Variants in ADAMTSL2 observed in about 807,000 individuals in gnomAD.
The protein encoded by ADAMTSL2 is ADAMTS-like protein 2.
A neutral mutation model predicts 117.0 loss-of-function variants in ADAMTSL2; 55 were observed. The observed-to-expected ratio is 0.47, with a 90% CI of 0.38 to 0.59. The LOEUF is 0.59. Among genes scored for constraint, ADAMTSL2 ranks in the 20% least tolerant of loss-of-function variants. ADAMTSL2 has a pLI of 0.00. For missense variants in ADAMTSL2, 1,182 were observed against 1,354.5 expected, an observed-to-expected ratio of 0.87 and a Z score of 2.00; for synonymous variants, 572 against 566.4, an observed-to-expected ratio of 1.01 and a Z score of -0.14.
chr9:133,541,909 T>C (rs1830234041), intron 7 of ADAMTSL2, among the ~76,000 whole-genome samples: 1 of 152,162 alleles, frequency 6.6e-6, no homozygotes, highest in East Asian at 1.9e-4. Context: ...ACACTTTTGG[T>C]TCTGAAGAAA....
chr9:133,552,190 G>A (rs1300951766), intron 9 of ADAMTSL2, among the ~76,000 whole-genome samples: 1 of 152,190 alleles, frequency 6.6e-6, no homozygotes, highest in Non-Finnish European at 1.5e-5. Context: ...TGTGGAATAT[G>A]CTGGCTCCAG....
In ADAMTSL2 at chr9:133,539,602, A is replaced by G. The variant is rs9802522; in HGVS notation, c.310-169A>G. The stretch of plus-strand genomic sequence containing the variant: ...CGTCCTTGCTCCCTCCTGAGAGCGC[A>G]TGGGAGCGCGCAGGAGCCCTAGAGG... On this transcript the variant is annotated intron_variant, in intron 4 of 18. Transcript: ENST00000651351. Among the ~76,000 whole-genome samples, 116,422 of 146,828 alleles carry G rather than the reference A, an allele frequency of 0.79. 44,754 individuals carry two copies. Among genetic ancestry groups the G allele is most frequent in the East Asian group, 0.89 (4,494 of 5,058 alleles).
At chr9:133,565,425 C>G (rs1830943924) in intron 12 of ADAMTSL2, among the ~76,000 whole-genome samples, 1 of 152,184 alleles carries the variant, frequency 6.6e-6, no homozygotes, top group Non-Finnish European at 1.5e-5. Flanking sequence ...AATAACCAGG[C>G]ACTTGGCGAT....
intron 8 of ADAMTSL2, 73 bp downstream of exon 8, chr9:133,544,623 G>GTCCAGGGT: frequency 7.6e-7 from 1 of 1,315,702 alleles, no homozygotes; most frequent in Non-Finnish European, 1.1e-6. Flanking sequence ...CAGAGAAGGG[G>GTCCAGGGT]CACTTGACCC....
chr9:133,574,970 T>A lies in ADAMTSL2; in HGVS notation c.*106T>A. 1.2e-6 allele frequency: 1 copy of A among 857,596 alleles called. No individual in the cohort carries two copies. Among genetic ancestry groups the A allele is most frequent in the Non-Finnish European group, 1.9e-6 (1 of 514,158 alleles). 53.1% of individuals were successfully genotyped at this position (857,596 alleles called of 1,614,324 possible). A position where few individuals can be genotyped will look rare whatever the true frequency, so the allele number is the denominator to read the frequency against. ...CCCCCTCCTGCGGGGCACGCTGGCC[T>A]AAGAGACGTGGCACTGAGCCTCGGC... On this transcript the variant is annotated 3_prime_UTR_variant, in exon 19 of 19. Transcript: ENST00000651351.
chr9:133,565,361 A>C (rs1830941737), intron 12 of ADAMTSL2, among the ~76,000 whole-genome samples: 3 of 152,254 alleles, frequency 2.0e-5, no homozygotes, highest in South Asian at 4.1e-4. Flanking sequence ...CTTGGATTCC[A>C]GTCTCTCTTG....
intron 9 of ADAMTSL2, among the ~76,000 whole-genome samples, chr9:133,548,283 TG>T (rs1009635121): frequency 5.3e-5 from 8 of 152,322 alleles, no homozygotes; most frequent in African/African-American, 1.9e-4. Flanking sequence ...GGTCTCTAAC[TG>T]GGGGTGCTTG....
intron 17 of ADAMTSL2, 51 bp downstream of exon 17, chr9:133,570,558 T>C: frequency 6.4e-7 from 1 of 1,556,982 alleles, no homozygotes; most frequent in Non-Finnish European, 8.7e-7. Context: ...GACCTGAATG[T>C]CGATCCCGCC....
intron 12 of ADAMTSL2, 119 bp from the exon 13 acceptor site, chr9:133,566,817 A>G (rs1830984776): frequency 7.4e-7 from 1 of 1,359,210 alleles, no homozygotes; most frequent in South Asian, 1.3e-5. Flanking sequence ...GCTGTGACTG[A>G]TCCCCAAGCC....
At chr9:133,550,566 A>C (rs995884986) in intron 9 of ADAMTSL2, among the ~76,000 whole-genome samples, 16 of 152,124 alleles carry the variant, frequency 1.1e-4, no homozygotes, top group Non-Finnish European at 7.3e-5. Context: ...ACTTTTATTT[A>C]GGACCAGATT....
In ADAMTSL2 at chr9:133,538,412, C is replaced by G; in HGVS notation, c.297C>G (p.Leu99=). 1 of 1,613,228 alleles carries G rather than the reference C, an allele frequency of 6.2e-7. No homozygotes were observed. Among genetic ancestry groups the G allele is most frequent in the African/African-American group, 1.3e-5 (1 of 75,078 alleles). Residue 99 remains leucine (L), a synonymous_variant, in exon 4 of 19, where the codon CTC becomes CTG. Transcript: ENST00000651351. ...CGGGCACGTCCAAGCGGTACCAGCTCTGCAGAGTGCAGGTGAGGCCCGGCC... is the reference window on the plus strand; with the variant it reads ...CGGGCACGTCCAAGCGGTACCAGCTGTGCAGAGTGCAGGTGAGGCCCGGCC... The part of the protein sequence containing the change: ...TCTGTSKRYQ[L]CRVQECPPDG...
chr9:133,536,826 G>C (rs1325629450), intron 2 of ADAMTSL2, 24 bp downstream of exon 2: 1 of 1,613,860 alleles, frequency 6.2e-7, no homozygotes, highest in Non-Finnish European at 8.5e-7. Context: ...TGTGGTCTGA[G>C]GGCCCATGCC....
At chr9:133,573,741 G>A in intron 17 of ADAMTSL2, 102 bp from the exon 18 acceptor site, 1 of 1,473,772 alleles carries the variant, frequency 6.8e-7, no homozygotes, top group Non-Finnish European at 9.4e-7. Context: ...CGCCTGGGAA[G>A]GGTGGGGTGG....
intron 4 of ADAMTSL2, among the ~76,000 whole-genome samples, 171 bp from the exon 5 acceptor site, chr9:133,539,600 G>A (rs951646745): frequency 9.1e-6 from 1 of 109,522 alleles, no homozygotes; most frequent in Non-Finnish European, 2.0e-5. Flanking sequence ...TCCTGAGAGC[G>A]CATGGGAGCG....
intron 5 of ADAMTSL2, 124 bp from the exon 6 acceptor site, chr9:133,540,474 T>G (rs1354089618): frequency 7.4e-7 from 1 of 1,351,782 alleles, no homozygotes; most frequent in Non-Finnish European, 1.0e-6. Flanking sequence ...TTCCTTCTGT[T>G]CTCCAGGCCT....
chr9:133,568,695 A>G lies in ADAMTSL2; in HGVS notation c.2181A>G (p.Val727=). 2 of 1,613,408 alleles carry G rather than the reference A, an allele frequency of 1.2e-6. No homozygotes were observed. Among genetic ancestry groups the G allele is most frequent in the Non-Finnish European group, 1.7e-6 (2 of 1,179,986 alleles). Residue 727 remains valine, a synonymous_variant, in exon 15 of 19, where the codon GTA becomes GTG. Coordinates refer to ENST00000651351, the MANE Select transcript of ADAMTSL2 (RefSeq NM_014694.4). ...TGTGTGACCCCAACACCAGGCCTGT[A>G]GGGGAGAAGAACTGCACGGGCCCGC... ...EKLCDPNTRP[V]GEKNCTGPPC...
rs1399431728 is a variant in ADAMTSL2, at chr9:133,558,336, C to G, written c.1649+2406C>G. Among the ~76,000 whole-genome samples the G allele has an allele frequency of 2.0e-5, 3 of 152,318 alleles. No homozygotes were observed. The highest frequency in any genetic ancestry group is 2.1e-4 in the South Asian group (1 of 4,832). The stretch of plus-strand genomic sequence containing the variant: ...CCACCAGGCCAAAATAGCCACGTCT[C>G]GGCCGAGTTGTCCAAACACAGGAAG... On this transcript the variant is annotated intron_variant, in intron 11 of 18. Transcript: ENST00000651351. This position sits in a 1 kb window ranked among gnomAD's most constrained non-coding sequence, Gnocchi z 4.3.
chr9:133,534,881 C>G lies in ADAMTSL2; in HGVS notation c.-187C>G. On this transcript the variant is annotated 5_prime_UTR_variant, in exon 1 of 19. Coordinates refer to ENST00000651351, the MANE Select transcript of ADAMTSL2 (RefSeq NM_014694.4). ...CGTCTGCCCTCCGCAGCGCTCGCCCCTTTCTCTGGGAGGACAACCTGCTGA... is the reference window on the plus strand; with the variant it reads ...CGTCTGCCCTCCGCAGCGCTCGCCCGTTTCTCTGGGAGGACAACCTGCTGA... The G allele has an allele frequency of 6.8e-7, 1 of 1,460,622 alleles. No homozygotes were observed. The highest frequency in any genetic ancestry group is 9.1e-7 in the Non-Finnish European group (1 of 1,101,060). 90.5% of individuals were successfully genotyped at this position (1,460,622 alleles called of 1,614,324 possible).
chr9:133,545,761 C>T (rs1588285018), intron 8 of ADAMTSL2, among the ~76,000 whole-genome samples: 1 of 152,272 alleles, frequency 6.6e-6, no homozygotes, highest in African/African-American at 2.4e-5. Flanking sequence ...GGGAAAGCCG[C>T]AGGAAGGAAG....
Sources: allele counts gnomAD v4.1 joint callset (sites outside exome capture counted in the v4.1 genomes callset), GRCh38; gene constraint gnomAD v4.1.1; non-coding constraint Gnocchi (gnomAD v3.1); transcripts MANE v1.5; gene names NCBI Gene and HGNC (gene_info 2026-07-23, HGNC 2026-07-21).